Variants in AHCYL2 observed in about 807,000 individuals in gnomAD.
AHCYL2 encodes the protein adenosylhomocysteinase like 2.
Under a neutral mutation model 81.4 loss-of-function variants are expected in AHCYL2, and 28 were observed. The ratio of observed to expected loss-of-function variants is 0.34; its 90% CI spans 0.25 to 0.47. The LOEUF (loss-of-function observed/expected upper bound fraction) is 0.47. Ranked by LOEUF, AHCYL2 falls within the 20% of genes least tolerant of loss-of-function variation. The pLI, the probability that AHCYL2 is intolerant of heterozygous loss-of-function variation, is 1.00. For missense variants in AHCYL2, 551 were observed against 785.1 expected, an observed-to-expected ratio of 0.70 and a Z score of 3.56; for synonymous variants, 272 against 290.2, an observed-to-expected ratio of 0.94 and a Z score of 0.64.
intron 2 of AHCYL2, among the ~76,000 whole-genome samples, chr7:129,380,211 T>C (rs183731457): frequency 6.6e-6 from 1 of 152,320 alleles, no homozygotes; most frequent in Non-Finnish European, 1.5e-5. Flanking sequence ...CCCTTTGCCT[T>C]CTCTCCTAAG....
chr7:129,241,317 A>T (rs1040076949), intron 1 of AHCYL2, among the ~76,000 whole-genome samples: 1 of 152,226 alleles, frequency 6.6e-6, no homozygotes, highest in Non-Finnish European at 1.5e-5. Flanking sequence ...CAGGCTAGGC[A>T]TGGTGGCTCA....
chr7:129,231,965 A>G (rs1017975974), intron 1 of AHCYL2, among the ~76,000 whole-genome samples: 4 of 151,848 alleles, frequency 2.6e-5, no homozygotes, highest in Admixed American at 6.6e-5. Context: ...GTCTATCAGT[A>G]GAAATCTATT....
intron 1 of AHCYL2, among the ~76,000 whole-genome samples, chr7:129,378,138 C>G (rs1278892612): frequency 6.6e-6 from 1 of 151,920 alleles, no homozygotes; most frequent in East Asian, 1.9e-4. Context: ...ATGGTGAAAC[C>G]CCGTCTCTAC....
intron 1 of AHCYL2, among the ~76,000 whole-genome samples, chr7:129,280,593 G>T (rs768383917): frequency 6.6e-6 from 1 of 152,076 alleles, no homozygotes; most frequent in Admixed American, 6.6e-5. Context: ...TTCTAGTCTA[G>T]ATACTTTATA....
At chr7:129,373,194 T>G (rs1794498649) in intron 1 of AHCYL2, among the ~76,000 whole-genome samples, 1 of 152,110 alleles carries the variant, frequency 6.6e-6, no homozygotes, top group Non-Finnish European at 1.5e-5. Flanking sequence ...GCAATGTGCT[T>G]TAATAAGCTC....
chr7:129,308,381 C>T (rs988848775), intron 1 of AHCYL2, among the ~76,000 whole-genome samples: 4 of 152,180 alleles, frequency 2.6e-5, no homozygotes, highest in Non-Finnish European at 5.9e-5. Flanking sequence ...TGCAAAGTTG[C>T]ACAATCACTG....
At chr7:129,262,489 G>C (rs757896903) in intron 1 of AHCYL2, among the ~76,000 whole-genome samples, 1 of 152,194 alleles carries the variant, frequency 6.6e-6, no homozygotes, top group Non-Finnish European at 1.5e-5. Flanking sequence ...GCCTCACTGC[G>C]CATCCTCTGT....
At chr7:129,388,246 G>A in intron 2 of AHCYL2, 1 of 152,090 alleles carries the variant, frequency 6.6e-6, no homozygotes, top group African/African-American at 2.4e-5. Context: ...CTAGCAAATG[G>A]TTAGTAACTA....
At chr7:129,418,666 T>C (rs913884331) in intron 12 of AHCYL2, among the ~76,000 whole-genome samples, 5 of 152,166 alleles carry the variant, frequency 3.3e-5, no homozygotes, top group Admixed American at 1.3e-4. Flanking sequence ...CCCCAGCTAT[T>C]GAGGAGGCTG....
At chr7:129,345,023 C>T (rs1584804957) in intron 1 of AHCYL2, among the ~76,000 whole-genome samples, 1 of 152,172 alleles carries the variant, frequency 6.6e-6, no homozygotes, top group Non-Finnish European at 1.5e-5. Context: ...GGCATGGTGA[C>T]AGGTGCCTGT....
intron 1 of AHCYL2, among the ~76,000 whole-genome samples, chr7:129,271,359 C>CAAAA (rs3042852): frequency 3.5e-5 from 3 of 86,824 alleles, no homozygotes; most frequent in African/African-American, 8.4e-5. Flanking sequence ...AGACTGTCTC[C>CAAAA]AAAAAAAAAA....
At chr7:129,256,267 A>G (rs117681639) in intron 1 of AHCYL2, among the ~76,000 whole-genome samples, 5,778 of 152,320 alleles carry the variant, frequency 0.038, 113 homozygotes, top group Middle Eastern at 0.078. Flanking sequence ...AATACATGCA[A>G]TAGTATAAAA....
chr7:129,360,412 G>A (rs1041119244), intron 1 of AHCYL2, among the ~76,000 whole-genome samples: 1 of 152,188 alleles, frequency 6.6e-6, no homozygotes, highest in African/African-American at 2.4e-5. Flanking sequence ...CACCACGCCC[G>A]GCCACTATTC....
intron 11 of AHCYL2, chr7:129,410,275 C>T: frequency 6.2e-7 from 1 of 1,614,184 alleles, no homozygotes; most frequent in South Asian, 1.1e-5. Context: ...CATCTTCCTT[C>T]TGTTTCTTAC....
intron 4 of AHCYL2, among the ~76,000 whole-genome samples, chr7:129,396,730 G>T (rs1460068813): frequency 6.6e-6 from 1 of 151,588 alleles, no homozygotes; most frequent in Non-Finnish European, 1.5e-5. Context: ...CGTGTGTTTG[G>T]TTTTTTGGAG....
intron 1 of AHCYL2, among the ~76,000 whole-genome samples, chr7:129,229,366 T>C (rs556845601): frequency 4.1e-4 from 62 of 152,344 alleles, no homozygotes; most frequent in African/African-American, 1.5e-3. Context: ...TAGCCTTTTA[T>C]GTGCCAGGAG....
intron 1 of AHCYL2, among the ~76,000 whole-genome samples, chr7:129,372,583 G>GGATC (rs1465392561): frequency 2.0e-5 from 3 of 152,128 alleles, no homozygotes; most frequent in East Asian, 1.9e-4. Context: ...CAAGGTGGAT[G>GGATC]GATCACCTGA....
chr7:129,379,705 T>C lies in AHCYL2; in HGVS notation c.431T>C (p.Leu144Ser). The C allele has an allele frequency of 6.2e-7, 1 of 1,614,200 alleles. No homozygotes were observed. Reference protein sequence around the residue: ...KRPTKIGRRSLSRSISQSSTD... With the variant: ...KRPTKIGRRSSSRSISQSSTD... Reference sequence around the variant, plus strand: ...CCCACCAAAATTGGACGTCGCTCTTTGTCTCGTTCCATTTCTCAGTCATCT... The same window carrying C: ...CCCACCAAAATTGGACGTCGCTCTTCGTCTCGTTCCATTTCTCAGTCATCT... Residue 144 changes from leucine to serine, a missense_variant, in exon 2 of 17, where the codon TTG becomes TCG. By Grantham distance (145) the Leu-to-Ser change is moderately radical. This residue lies in a region of AHCYL2 where 235 missense variants were observed against 242.1 expected (regional missense o/e 0.97). Transcript: ENST00000325006.
chr7:129,273,368 G>A (rs1442675357), intron 1 of AHCYL2, among the ~76,000 whole-genome samples: 3 of 86,538 alleles, frequency 3.5e-5, no homozygotes, highest in African/African-American at 1.4e-4. Flanking sequence ...CGCTCTTGTT[G>A]CCCAGGCTGG....
Sources: allele counts gnomAD v4.1 joint callset (sites outside exome capture counted in the v4.1 genomes callset), GRCh38; gene constraint gnomAD v4.1.1; regional missense constraint gnomAD v4.1.1; transcripts MANE v1.5; gene names NCBI Gene and HGNC (gene_info 2026-07-23, HGNC 2026-07-21).